NCBP1: variants seen among roughly 807,000 people sequenced by gnomAD.
NCBP1 encodes the protein nuclear cap binding protein subunit 1.
In NCBP1, 16 loss-of-function variants were observed where a neutral mutation model predicts 111.7. The observed-to-expected ratio is 0.14, with a 90% CI of 0.10 to 0.22. The LOEUF (loss-of-function observed/expected upper bound fraction) is 0.22, where lower values mean the gene tolerates loss of function less well. Among genes scored for constraint, NCBP1 ranks in the 10% least tolerant of loss-of-function variants. The pLI is 1.00. For synonymous variants in NCBP1, 304 were observed against 314.3 expected (o/e 0.97, Z 0.35); for missense variants, 607 against 957.5 (o/e 0.63, Z 4.83).
chr9:97,660,358 G>A (rs1307471583), intron 15 of NCBP1, among the ~76,000 whole-genome samples: 1 of 152,078 alleles, frequency 6.6e-6, no homozygotes, highest in Non-Finnish European at 1.5e-5. Context: ...TTTATAATAA[G>A]GACTCAACTG....
intron 14 of NCBP1, among the ~76,000 whole-genome samples, chr9:97,656,339 T>A (rs1156921100): frequency 6.6e-6 from 1 of 152,208 alleles, no homozygotes; most frequent in Non-Finnish European, 1.5e-5. Flanking sequence ...CCCAGCACTT[T>A]GGGAGGCCAA....
intron 12 of NCBP1, 77 bp downstream of exon 12, chr9:97,655,021 C>A: frequency 8.2e-7 from 1 of 1,225,814 alleles, no homozygotes; most frequent in South Asian, 1.8e-5. Flanking sequence ...TTGAGAAAGA[C>A]ATTTTTAAGA....
At chr9:97,666,944 G>A (rs1332687221) in intron 20 of NCBP1, 67 bp downstream of exon 20, 1 of 1,162,668 alleles carries the variant, frequency 8.6e-7, no homozygotes, top group Non-Finnish European at 1.2e-6. Flanking sequence ...AGGATTCAGA[G>A]TTCATTATCT....
rs1013670246 is a variant in NCBP1, at chr9:97,645,761, T to C, written c.611+29T>C. The C allele has an allele frequency of 6.2e-6, 10 of 1,609,956 alleles. No homozygotes were observed. The African/African-American group carries it at 1.3e-4, about 22-fold the overall frequency. ...AGGGCACAGCTCATAGTACTCTTTG[T>C]TGCTTAGGTAAAGGATATCTTATAT... On this transcript the variant is annotated intron_variant, in intron 6 of 22. Transcript: ENST00000375147.
rs117009911 is a variant in NCBP1, at chr9:97,667,127, A to G, written c.2016+250A>G. ...CAAACTTCACTTCCCATAGTTCACT[A>G]TCTCTGGGTCGGCCTCACGTTTGCA... is the stretch of plus-strand genomic sequence containing the variant. On this transcript the variant is annotated intron_variant, in intron 20 of 22. Coordinates refer to ENST00000375147, the MANE Select transcript of NCBP1 (RefSeq NM_002486.5). Among the ~76,000 whole-genome samples, 271 of 152,250 alleles carry G rather than the reference A, an allele frequency of 1.8e-3. 2 individuals carry two copies. Among genetic ancestry groups the G allele is most frequent in the South Asian group, 5.4e-3 (26 of 4,824 alleles).
intron 1 of NCBP1, chr9:97,634,498 A>G (rs921530444): frequency 6.6e-6 from 1 of 152,418 alleles, no homozygotes; most frequent in Non-Finnish European, 1.5e-5. Context: ...CCGTAAGCGC[A>G]TTTCCCTTGT....
chr9:97,652,104 A>G (rs1235491435), intron 10 of NCBP1, among the ~76,000 whole-genome samples: 1 of 152,180 alleles, frequency 6.6e-6, no homozygotes, highest in East Asian at 1.9e-4. Flanking sequence ...CCGGGGTTCA[A>G]GCAATTCTTC....
At chr9:97,655,824 G>A (rs1028003916) in intron 13 of NCBP1, 60 bp downstream of exon 13, 1 of 1,483,614 alleles carries the variant, frequency 6.7e-7, no homozygotes, top group African/African-American at 1.4e-5. Context: ...GTTTAAAACT[G>A]TAACATAAAA....
intron 1 of NCBP1, among the ~76,000 whole-genome samples, chr9:97,637,092 GTTGTAGGAGA>G (rs1827063837): frequency 6.6e-6 from 1 of 152,124 alleles, no homozygotes; most frequent in African/African-American, 2.4e-5. Flanking sequence ...TGAGGGGGAA[GTTGTAGGAGA>G]TAAGATTAGA....
intron 4 of NCBP1, 107 bp downstream of exon 4, chr9:97,643,467 C>T: frequency 8.4e-7 from 1 of 1,192,670 alleles, no homozygotes; most frequent in Non-Finnish European, 1.1e-6. Context: ...TTCTCATTCA[C>T]TTTCATAGCT....
chr9:97,636,526 T>C (rs1827034595), intron 1 of NCBP1, among the ~76,000 whole-genome samples: 1 of 144,802 alleles, frequency 6.9e-6, no homozygotes, highest in South Asian at 2.1e-4. Context: ...TTTATATTTA[T>C]ATATTATATA....
intron 8 of NCBP1, 115 bp downstream of exon 8, chr9:97,648,338 G>A: frequency 1.1e-6 from 1 of 887,114 alleles, no homozygotes; most frequent in South Asian, 1.7e-5. Context: ...TTTTATCTAA[G>A]AAGGTCAGTA....
chr9:97,664,547 A>G (rs533213565), intron 19 of NCBP1, 104 bp downstream of exon 19: 1 of 715,060 alleles, frequency 1.4e-6, no homozygotes, highest in East Asian at 2.7e-5. Flanking sequence ...GTTGATATTA[A>G]TATACTAATG....
Position 97,660,898 on chromosome 9 carries a change from T to G in NCBP1, c.1478-48T>G, listed in dbSNP as rs771948851. 4.5e-6 allele frequency: 7 copies of G among 1,555,478 alleles called. No individual in the cohort carries two copies. The African/African-American group carries it at 9.7e-5, about 21-fold the overall frequency. ...GTTATTTAACTGTTCATTAGAATAG[T>G]CTTGAAACCTGATCTGTCATTCCCC... On this transcript the variant is annotated intron_variant, in intron 15 of 22. Transcript: ENST00000375147.
intron 9 of NCBP1, among the ~76,000 whole-genome samples, 165 bp downstream of exon 9, chr9:97,650,765 T>G (rs112645513): frequency 6.6e-6 from 1 of 152,202 alleles, no homozygotes; most frequent in African/African-American, 2.4e-5. Context: ...CTCAAGGCTC[T>G]TCACCCTTGT....
intron 14 of NCBP1, among the ~76,000 whole-genome samples, chr9:97,656,639 C>T (rs1827664105): frequency 6.6e-6 from 1 of 152,144 alleles, no homozygotes; most frequent in Non-Finnish European, 1.5e-5. Context: ...ATTCTGTATC[C>T]TCTTCACCTA....
At chr9:97,661,185 T>TCAGAA in intron 16 of NCBP1, 117 bp downstream of exon 16, 1 of 1,292,400 alleles carries the variant, frequency 7.7e-7, no homozygotes, top group South Asian at 1.5e-5. Flanking sequence ...TTTGACCTGT[T>TCAGAA]CAGACTGTTG....
chr9:97,662,252 T>C lies in NCBP1; in HGVS notation c.1703+108T>C. On this transcript the variant is annotated intron_variant, in intron 17 of 22. Transcript: ENST00000375147. ...TTGTTGAATATGAAGATCTTAATAG[T>C]GTATAATTGGACACAGTGGGTTTGG... 3.8e-6 allele frequency: 3 copies of C among 782,764 alleles called. No homozygotes were observed. In the South Asian group the frequency reaches 5.3e-5, roughly 14 times the overall value. The allele number at this position is 782,764 out of a possible 1,614,324, so 48.5% of individuals were successfully genotyped here. A position where few individuals can be genotyped will look rare whatever the true frequency, so the allele number is the denominator to read the frequency against.
chr9:97,655,405 TCTTG>T (rs1827623622), intron 12 of NCBP1, among the ~76,000 whole-genome samples: 1 of 152,100 alleles, frequency 6.6e-6, no homozygotes, highest in Non-Finnish European at 1.5e-5. Flanking sequence ...TTTTTTTTTT[TCTTG>T]CTTCAGTTTC....
Sources: allele counts gnomAD v4.1 joint callset (sites outside exome capture counted in the v4.1 genomes callset), GRCh38; gene constraint gnomAD v4.1.1; transcripts MANE v1.5; gene names NCBI Gene and HGNC (gene_info 2026-07-23, HGNC 2026-07-21).